The following EPSTI1 variants were observed in gnomAD, a reference collection of about 807,000 sequenced individuals.
EPSTI1 encodes epithelial-stromal interaction protein 1.
In EPSTI1, 66 loss-of-function variants were observed where a neutral mutation model predicts 49.9. The ratio of observed to expected loss-of-function variants is 1.32; its 90% CI spans 1.08 to 1.62. The LOEUF (loss-of-function observed/expected upper bound fraction) is 1.62. Among genes scored for constraint, EPSTI1 ranks in the 40% most tolerant of loss-of-function variants. The pLI, the probability that EPSTI1 is intolerant of heterozygous loss-of-function variation, is 0.00. For synonymous variants in EPSTI1, 137 were observed against 130.7 expected (o/e 1.05, Z -0.33); for missense variants, 394 against 365.5 (o/e 1.08, Z -0.64).
Position 42,911,519 on chromosome 13 carries a change from C to G in EPSTI1, c.741+6022G>C, listed in dbSNP as rs529066601. Reference sequence around the variant, plus strand: ...AGAAATCACTTGCATTTTCATTGGTCTTTATGAGTTTTAATTATGTGAGTC... The same window carrying G: ...AGAAATCACTTGCATTTTCATTGGTGTTTATGAGTTTTAATTATGTGAGTC... On this transcript the variant is annotated intron_variant, in intron 8 of 10. Transcript: ENST00000313624. Among the ~76,000 whole-genome samples the G allele has an allele frequency of 3.9e-5, 6 of 152,180 alleles. No homozygotes were observed. The East Asian group carries it at 1.2e-3, about 29-fold the overall frequency.
At chr13:42,972,962 A>G (rs1431543056) in intron 1 of EPSTI1, among the ~76,000 whole-genome samples, 1 of 152,248 alleles carries the variant, frequency 6.6e-6, no homozygotes, top group Non-Finnish European at 1.5e-5. Flanking sequence ...ATTCATAGAG[A>G]CCTCAGAAGA....
At chr13:42,905,394 G>A (rs8000364) in intron 8 of EPSTI1, among the ~76,000 whole-genome samples, 26,095 of 152,054 alleles carry the variant, frequency 0.17, 2,341 homozygotes, top group African/African-American at 0.22. Context: ...TTTTTCTTCC[G>A]TACTAAGAAG....
intron 8 of EPSTI1, among the ~76,000 whole-genome samples, chr13:42,905,111 C>A (rs944374772): frequency 6.6e-6 from 1 of 151,926 alleles, no homozygotes; most frequent in Non-Finnish European, 1.5e-5. Flanking sequence ...ATTTTTAACA[C>A]AGAGAGATAT....
At chr13:42,966,729 C>CGGTA (rs2039629149) in intron 3 of EPSTI1, among the ~76,000 whole-genome samples, 1 of 79,696 alleles carries the variant, frequency 1.3e-5, no homozygotes. Flanking sequence ...CCGCCCCGTC[C>CGGTA]GGGAGGTGAG....
At chr13:42,961,315 G>A (rs576740201) in intron 5 of EPSTI1, among the ~76,000 whole-genome samples, 5 of 152,224 alleles carry the variant, frequency 3.3e-5, no homozygotes, top group Admixed American at 6.5e-5. Flanking sequence ...CACCACAGTC[G>A]GTTTCAAACT....
At chr13:42,909,147 A>G (rs928545310) in intron 8 of EPSTI1, among the ~76,000 whole-genome samples, 4 of 152,166 alleles carry the variant, frequency 2.6e-5, no homozygotes, top group African/African-American at 9.7e-5. Context: ...CTATTTCTTG[A>G]AAGAAAACAT....
At chr13:42,990,956 G>C (rs1016051669) in intron 1 of EPSTI1, 3 of 152,260 alleles carry the variant, frequency 2.0e-5, no homozygotes, top group Non-Finnish European at 4.4e-5. Context: ...GCTAGAAAGA[G>C]AGGCTCATGA....
At chr13:42,927,152 C>T (rs988741652) in intron 6 of EPSTI1, among the ~76,000 whole-genome samples, 9 of 152,180 alleles carry the variant, frequency 5.9e-5, no homozygotes, top group Non-Finnish European at 1.0e-4. Context: ...GAAAAATTGA[C>T]CTAGAAATGT....
rs113216327 is a variant in EPSTI1 at position 42,922,077 on chromosome 13, C to T, written c.657+4259G>A. Among the ~76,000 whole-genome samples the T allele has an allele frequency of 1.2e-3, 176 of 152,074 alleles. 1 individual carries two copies. The highest frequency in any genetic ancestry group is 3.9e-3 in the South Asian group (19 of 4,812). ...ACCGACTGGCTTGGCAGTGAGAAAA[C>T]GTGTATATAGTCATAATAGGGAAAG... is the stretch of plus-strand genomic sequence containing the variant. On this transcript the variant is annotated intron_variant, in intron 7 of 10. Coordinates refer to ENST00000313624, the MANE Select transcript of EPSTI1 (RefSeq NM_033255.5). The surrounding 1 kb of genome is among the most constrained non-coding windows in gnomAD (Gnocchi z 4.8).
chr13:42,901,974 G>T (rs2037372649), intron 8 of EPSTI1, among the ~76,000 whole-genome samples: 1 of 141,078 alleles, frequency 7.1e-6, no homozygotes, highest in Non-Finnish European at 1.5e-5. Context: ...GTGTCCATGT[G>T]TTCTCATTGT....
chr13:42,921,806 C>T (rs923319616), intron 7 of EPSTI1, among the ~76,000 whole-genome samples: 18 of 151,862 alleles, frequency 1.2e-4, no homozygotes, highest in African/African-American at 4.1e-4. Context: ...AGCTGTGCGC[C>T]AGGCTTACAA....
In EPSTI1 at chr13:42,908,928, CAA is replaced by C. The variant is rs60335271; in HGVS notation, c.742-8547_742-8546del. On this transcript the variant is annotated intron_variant, in intron 8 of 10. Coordinates refer to ENST00000313624, the MANE Select transcript of EPSTI1 (RefSeq NM_033255.5). ...TGAAACCCTGTCTCGACTAAAAATA[CAA>C]AAAAAAAAAAAAAATAGCTGGGTGT... Among the ~76,000 whole-genome samples, 238 of 133,366 alleles carry C rather than the reference CAA, an allele frequency of 1.8e-3. 2 individuals are homozygous for C. Among genetic ancestry groups the C allele is most frequent in the Middle Eastern group, 0.011 (3 of 264 alleles). The allele number at this position is 133,366 out of a possible 152,430, so 87.5% of individuals were successfully genotyped here.
At chr13:42,912,435 G>A (rs1442213249) in intron 8 of EPSTI1, among the ~76,000 whole-genome samples, 1 of 152,156 alleles carries the variant, frequency 6.6e-6, no homozygotes, top group African/African-American at 2.4e-5. Flanking sequence ...AACGTCCCAA[G>A]TACCTACTGA....
chr13:42,911,295 G>A (rs2037678789), intron 8 of EPSTI1, among the ~76,000 whole-genome samples: 1 of 115,734 alleles, frequency 8.6e-6, no homozygotes, highest in Non-Finnish European at 2.1e-5. Context: ...GTGTGTGAGT[G>A]TGCACATGCT....
chr13:42,955,763 T>C (rs2039240166), intron 5 of EPSTI1, among the ~76,000 whole-genome samples: 1 of 151,234 alleles, frequency 6.6e-6, no homozygotes, highest in African/African-American at 2.4e-5. Context: ...GATCGTGCCA[T>C]TGCACTCCAG....
chr13:42,908,681 T>C (rs34525682), intron 8 of EPSTI1, among the ~76,000 whole-genome samples: 42,885 of 151,856 alleles, frequency 0.28, 7,481 homozygotes, highest in Middle Eastern at 0.41. Context: ...ATCTACAGAA[T>C]GGGAGAAAAT....
At chr13:42,932,398 G>A (rs1465736925) in intron 6 of EPSTI1, among the ~76,000 whole-genome samples, 1 of 151,932 alleles carries the variant, frequency 6.6e-6, no homozygotes, top group Non-Finnish European at 1.5e-5. Flanking sequence ...GGTCACCACC[G>A]AGTGTTCCAG....
intron 6 of EPSTI1, 121 bp from the exon 7 acceptor site, chr13:42,926,550 C>T (rs950970646): frequency 2.8e-6 from 2 of 719,602 alleles, no homozygotes; most frequent in Non-Finnish European, 5.2e-6. Flanking sequence ...TTCAGCAGAA[C>T]AGAAAGTTAC....
Position 42,963,364 on chromosome 13 carries a change from AC to A in EPSTI1, c.406-27del, listed in dbSNP as rs1456421829. 1.9e-6 allele frequency: 3 copies of A among 1,559,336 alleles called. No homozygotes were observed. In the African/African-American group the frequency reaches 4.1e-5, roughly 21 times the overall value. ...CTAAATTGTATTGAAATTACAGAGA[AC>A]AAAAACAGTTACCATTTTTCAGTCT... is the stretch of plus-strand genomic sequence containing the variant. On this transcript the variant is annotated intron_variant, in intron 4 of 10. Transcript: ENST00000313624.
Sources: allele counts gnomAD v4.1 joint callset (sites outside exome capture counted in the v4.1 genomes callset), GRCh38; gene constraint gnomAD v4.1.1; non-coding constraint Gnocchi (gnomAD v3.1); transcripts MANE v1.5; gene names NCBI Gene and HGNC (gene_info 2026-07-23, HGNC 2026-07-21).